The following PCDH15 variants were observed in gnomAD, a reference collection of about 807,000 sequenced individuals.
PCDH15 encodes the protein protocadherin-15.
Under a neutral mutation model 178.5 loss-of-function variants are expected in PCDH15, and 129 were observed. The ratio of observed to expected loss-of-function variants is 0.72; its 90% confidence interval spans 0.63 to 0.84. The LOEUF is 0.84. Among genes scored for constraint, PCDH15 ranks in the 40% least tolerant of loss-of-function variants. PCDH15 has a pLI of 0.00. For synonymous variants in PCDH15, 800 were observed against 732.0 expected, an observed-to-expected ratio of 1.09 and a Z score of -1.50; for missense variants, 2,230 against 2,099.9, an observed-to-expected ratio of 1.06 and a Z score of -1.21.
At chr10:55,326,338 G>A (rs1844030450) in intron 2 of PCDH15, among the ~76,000 whole-genome samples, 1 of 152,106 alleles carries the variant, frequency 6.6e-6, no homozygotes, top group African/African-American at 2.4e-5. Context: ...CAACCCAAAT[G>A]CCCATCAACA....
At chr10:53,947,505 G>C (rs986506129) in intron 23 of PCDH15, among the ~76,000 whole-genome samples, 1 of 151,694 alleles carries the variant, frequency 6.6e-6, no homozygotes, top group African/African-American at 2.4e-5. Context: ...TTAAGATACT[G>C]TTTTTCTACC....
intron 18 of PCDH15, among the ~76,000 whole-genome samples, chr10:54,044,121 T>A (rs1419528120): frequency 6.6e-6 from 1 of 152,060 alleles, no homozygotes; most frequent in Non-Finnish European, 1.5e-5. Context: ...ATCTTGATTA[T>A]GTTGGAAGGG....
intron 2 of PCDH15, among the ~76,000 whole-genome samples, chr10:54,610,095 A>C (rs1356992732): frequency 1.3e-5 from 2 of 151,934 alleles, no homozygotes; most frequent in Admixed American, 6.6e-5. Flanking sequence ...GATTGTCACT[A>C]ACTCTTCCTC....
chr10:55,021,781 G>A (rs188898992), intron 2 of PCDH15, among the ~76,000 whole-genome samples: 1,813 of 152,202 alleles, frequency 0.012, 26 homozygotes, highest in Non-Finnish European at 0.015. Context: ...AGAACATACC[G>A]TCACTTGTGA....
intron 1 of PCDH15, among the ~76,000 whole-genome samples, chr10:55,178,660 C>G (rs1238032042): frequency 6.6e-6 from 1 of 152,130 alleles, no homozygotes; most frequent in Non-Finnish European, 1.5e-5. Context: ...GGAATTATCT[C>G]TGTTGACCCA....
Position 54,195,205 on chromosome 10 carries a change from C to T in PCDH15, c.1305+478G>A, listed in dbSNP as rs114976172. ...AAAGACAATGATTTGTGGAGTGAAGCGTAAGCATCCACATAGTCACTGGCA... is the reference window on the plus strand; with the variant it reads ...AAAGACAATGATTTGTGGAGTGAAGTGTAAGCATCCACATAGTCACTGGCA... On this transcript the variant is annotated intron_variant, in intron 11 of 37. Coordinates refer to ENST00000644397, the MANE Select transcript of PCDH15 (RefSeq NM_001384140.1). Among the ~76,000 whole-genome samples the T allele has an allele frequency of 5.6e-3, 860 of 152,226 alleles. 8 individuals are homozygous for T. Among genetic ancestry groups the T allele is most frequent in the African/African-American group, 0.017 (696 of 41,530 alleles).
intron 17 of PCDH15, among the ~76,000 whole-genome samples, chr10:54,076,757 T>C (rs979836555): frequency 6.6e-6 from 1 of 152,016 alleles, no homozygotes; most frequent in Non-Finnish European, 1.5e-5. Context: ...CAATGACCAA[T>C]AGAATGTGAC....
chr10:54,344,971 T>G, intron 6 of PCDH15, among the ~76,000 whole-genome samples: 1 of 142,570 alleles, frequency 7.0e-6, no homozygotes, highest in African/African-American at 2.6e-5. Flanking sequence ...AAAATGTATA[T>G]ATATATATTA....
In PCDH15 at chr10:55,540,790, G is replaced by A. The variant is rs142727631; in HGVS notation, c.-156+86835C>T. Among the ~76,000 whole-genome samples the A allele has an allele frequency of 3.1e-4, 47 of 152,050 alleles. No individual in the cohort carries two copies. In the East Asian group the frequency reaches 8.7e-3, roughly 28 times the overall value. On this transcript the variant is annotated intron_variant, in intron 2 of 5. Transcript: ENST00000613346. ...GAATTATTTGATTATTGCAACTCCC[G>A]AAGTGCAAATTCACTCTTAATAAGT...
intron 2 of PCDH15, among the ~76,000 whole-genome samples, chr10:54,997,071 T>C (rs1839667170): frequency 6.7e-6 from 1 of 148,684 alleles, no homozygotes; most frequent in Non-Finnish European, 1.5e-5. Context: ...ATCGCACCAC[T>C]GCACTCCAGC....
At chr10:55,185,163 T>C (rs1839758796) in intron 1 of PCDH15, among the ~76,000 whole-genome samples, 1 of 151,886 alleles carries the variant, frequency 6.6e-6, no homozygotes, top group Admixed American at 6.6e-5. Context: ...GTATTTGGAA[T>C]TTAATAGAAA....
chr10:55,227,880 C>A (rs1841097168), intron 1 of PCDH15, among the ~76,000 whole-genome samples: 1 of 151,954 alleles, frequency 6.6e-6, no homozygotes, highest in African/African-American at 2.4e-5. Context: ...ATACAGTAAC[C>A]ACAAAACATA....
chr10:54,836,465 TTG>T (rs1406215488), intron 3 of PCDH15, among the ~76,000 whole-genome samples: 1 of 152,156 alleles, frequency 6.6e-6, no homozygotes, highest in Non-Finnish European at 1.5e-5. Context: ...TTTATATTTG[TTG>T]AGGAGAAGTA....
Position 54,622,610 on chromosome 10 carries a change from T to TATATATTATATATTA in PCDH15, c.91+41561_91+41562insTAATATATAATATAT, listed in dbSNP as rs1555105318. On this transcript the variant is annotated intron_variant, in intron 2 of 37. Coordinates refer to ENST00000644397, the MANE Select transcript of PCDH15 (RefSeq NM_001384140.1). ...TATATATAATATATAATATATATAA[T>TATATATTATATATTA]TATATATAATATATATAATATATAT... 8.0e-4 allele frequency among the ~76,000 whole-genome samples: 75 copies of TATATATTATATATTA among 93,610 alleles called. 1 individual carries two copies. Among genetic ancestry groups the TATATATTATATATTA allele is most frequent in the African/African-American group, 3.6e-3 (73 of 20,328 alleles). The allele number at this position is 93,610 out of a possible 152,430, so 61.4% of individuals were successfully genotyped here.
At chr10:53,945,857 A>G (rs959718512) in intron 23 of PCDH15, among the ~76,000 whole-genome samples, 3 of 137,866 alleles carry the variant, frequency 2.2e-5, no homozygotes, top group African/African-American at 8.4e-5. Flanking sequence ...ATATATATAT[A>G]TATATATATA....
chr10:54,412,697 C>T (rs4935516), intron 3 of PCDH15, among the ~76,000 whole-genome samples: 129,986 of 152,178 alleles, frequency 0.85, 55,614 homozygotes, highest in East Asian at 0.97. Flanking sequence ...AAGCTACCAA[C>T]ATTACCTTGT....
At chr10:53,919,491 A>G (rs923022592) in intron 25 of PCDH15, among the ~76,000 whole-genome samples, 1 of 152,216 alleles carries the variant, frequency 6.6e-6, no homozygotes, top group African/African-American at 2.4e-5. Flanking sequence ...TTTTCTGTGC[A>G]TTATTTCAAT....
chr10:54,792,866 G>A (rs78402702), intron 1 of PCDH15, among the ~76,000 whole-genome samples: 5,768 of 151,818 alleles, frequency 0.038, 327 homozygotes, highest in African/African-American at 0.13. Context: ...GTTGAGCACT[G>A]GCAGGGTGGG....
chr10:53,925,535 A>C (rs533223999), intron 25 of PCDH15, among the ~76,000 whole-genome samples: 15 of 152,292 alleles, frequency 9.8e-5, no homozygotes, highest in Admixed American at 9.8e-4. Context: ...AATTCCAGAC[A>C]CAGTTGGATC....
Sources: gnomAD v4.1 joint callset for allele counts (sites outside exome capture counted in the v4.1 genomes callset) on GRCh38, gnomAD v4.1.1 for gene constraint, MANE v1.5 for transcripts, NCBI Gene and HGNC (gene_info 2026-07-23, HGNC 2026-07-21) for gene names.